Variants in VAV1 observed in about 807,000 individuals in gnomAD.
The protein encoded by VAV1 is vav guanine nucleotide exchange factor 1.
Under a neutral mutation model 128.1 loss-of-function variants are expected in VAV1, and 33 were observed. The observed-to-expected ratio is 0.26, with a 90% CI of 0.20 to 0.34. The LOEUF is 0.34. VAV1 is among the 10% of genes least tolerant of loss of function. The probability of loss-of-function intolerance (pLI) is 1.00; values close to 1 mark genes in which losing one functional copy is unlikely to be tolerated. For synonymous variants in VAV1, 394 were observed against 409.8 expected, an observed-to-expected ratio of 0.96 and a Z score of 0.47; for missense variants, 715 against 1,093.7, an observed-to-expected ratio of 0.65 and a Z score of 4.88.
At chr19:6,855,731 C>G (rs1478775338) in intron 26 of VAV1, among the ~76,000 whole-genome samples, 1 of 152,086 alleles carries the variant, frequency 6.6e-6, no homozygotes, top group African/African-American at 2.4e-5. Flanking sequence ...ATTCATCCAT[C>G]CATCCATCCG....
intron 1 of VAV1, among the ~76,000 whole-genome samples, chr19:6,813,241 G>T (rs778985784): frequency 4.6e-5 from 7 of 152,218 alleles, no homozygotes; most frequent in Non-Finnish European, 8.8e-5. Context: ...TTCCTGAGTG[G>T]CTGGGCCACA....
chr19:6,836,613 A>C (rs1972228159), intron 20 of VAV1, 45 bp downstream of exon 20: 1 of 1,607,982 alleles, frequency 6.2e-7, no homozygotes, highest in Admixed American at 1.7e-5. Flanking sequence ...ACCCAAGTGT[A>C]GGGTTATGGA....
At position 6,817,847 on chromosome 19, in the gene VAV1, T is replaced by C. The variant is rs575721942; in HGVS notation, c.205-2855T>C. On this transcript the variant is annotated intron_variant, in intron 1 of 26. Coordinates refer to ENST00000602142, the MANE Select transcript of VAV1 (RefSeq NM_005428.4). The stretch of plus-strand genomic sequence containing the variant: ...GACTACAGGCACCCGCCACCTTGCC[T>C]GGCTAATTTTTTGTGTTTTTAGTAG... Among the ~76,000 whole-genome samples the C allele has an allele frequency of 2.3e-3, 345 of 152,112 alleles. 2 individuals carry two copies. Among genetic ancestry groups the C allele is most frequent in the Middle Eastern group, 6.8e-3 (2 of 292 alleles).
chr19:6,816,171 C>T (rs1429612643), intron 1 of VAV1, among the ~76,000 whole-genome samples: 1 of 151,972 alleles, frequency 6.6e-6, no homozygotes, highest in Non-Finnish European at 1.5e-5. Flanking sequence ...AGGCGCACAC[C>T]ACCACGCCCA....
rs973492510 is a variant in VAV1, at chr19:6,853,069, C to G, written c.2322C>G (p.Ser774Arg). The G allele has an allele frequency of 1.2e-6, 2 of 1,610,620 alleles. No homozygotes were observed. Among genetic ancestry groups the G allele is most frequent in the Non-Finnish European group, 1.7e-6 (2 of 1,177,892 alleles). ...PFKEPEKRTISRPAVGSTKYF... is the reference protein window; with the variant it reads ...PFKEPEKRTIRRPAVGSTKYF... ...AGGAGCCTGAAAAGAGAACCATCAG[C>G]AGGCCAGCAGGTAGGAGGTCTCAGA... Residue 774 changes from serine (S) to arginine (R), a missense_variant, in exon 25 of 27, where the codon AGC becomes AGG. Coordinates refer to ENST00000602142, the MANE Select transcript of VAV1 (RefSeq NM_005428.4).
At chr19:6,853,916 C>A (rs764583035) in intron 25 of VAV1, 31 bp from the exon 26 acceptor site, 9 of 1,600,486 alleles carry the variant, frequency 5.6e-6, no homozygotes, top group Admixed American at 3.3e-5. Context: ...CTGCCCCAGA[C>A]CCTTTTCTCA....
chr19:6,784,111 C>G (rs1335622042), intron 1 of VAV1: 1 of 428,440 alleles, frequency 2.3e-6, no homozygotes, highest in East Asian at 3.4e-5. Flanking sequence ...AAAATAAGCC[C>G]GGCATGGTGG....
intron 1 of VAV1, among the ~76,000 whole-genome samples, chr19:6,817,893 A>G (rs375285889): frequency 3.9e-4 from 59 of 152,194 alleles, no homozygotes; most frequent in Non-Finnish European, 7.4e-4. Flanking sequence ...TCACCGTGTT[A>G]GCCAGGATGG....
rs202111007 is a variant in VAV1, at chr19:6,828,494, G to C, written c.1092+7G>C. ...GGCCCTGGATGCCATGAGGGTGAGT[G>C]GGTGTAGGGTGCTGGTGACTCACCT... On this transcript the variant is annotated splice_region_variant and intron_variant, in intron 11 of 26. Transcript: ENST00000602142. The surrounding 1 kb of genome is among the most constrained non-coding windows in gnomAD (Gnocchi z 4.5). The C allele has an allele frequency of 2.0e-4, 326 of 1,614,180 alleles. No individual in the cohort carries two copies. Among genetic ancestry groups the C allele is most frequent in the Admixed American group, 1.3e-4 (8 of 60,022 alleles).
chr19:6,773,213 G>T (rs1207649650), intron 1 of VAV1, among the ~76,000 whole-genome samples: 1 of 152,176 alleles, frequency 6.6e-6, no homozygotes, highest in Non-Finnish European at 1.5e-5. Context: ...CTCCCTGTGT[G>T]GGTTCACGGG....
rs771873669 is a variant in VAV1, at chr19:6,772,801, G to A, written c.-7G>A. On this transcript the variant is annotated 5_prime_UTR_variant, in exon 1 of 27. Coordinates refer to ENST00000602142, the MANE Select transcript of VAV1 (RefSeq NM_005428.4). The surrounding 1 kb of genome is among the most constrained non-coding windows in gnomAD (Gnocchi z 4.8). Reference sequence around the variant, plus strand: ...GGTGCACGGCCGGCCCTGGGCAGGCGGTAGCCATGGAGCTGTGGCGCCAAT... The same window carrying A: ...GGTGCACGGCCGGCCCTGGGCAGGCAGTAGCCATGGAGCTGTGGCGCCAAT... 25 of 1,611,960 alleles carry A rather than the reference G, an allele frequency of 1.6e-5. No homozygotes were observed. The highest frequency in any genetic ancestry group is 3.3e-5 in the Admixed American group (2 of 59,888).
At position 6,774,427 on chromosome 19, in the gene VAV1, CTTTTTTTTTTTTTT is replaced by C. The variant is rs1002823385; in HGVS notation, c.204+1428_204+1441del. On this transcript the variant is annotated intron_variant, in intron 1 of 26. Coordinates refer to ENST00000602142, the MANE Select transcript of VAV1 (RefSeq NM_005428.4). ...ACAGGTGTGAGCCACCGCGCCCAGCCTTTTTTTTTTTTTTTTTTTTTTTTTAAAGACAGGGTCTC... is the reference window on the plus strand; with the variant it reads ...ACAGGTGTGAGCCACCGCGCCCAGCCTTTTTTTTTTTAAAGACAGGGTCTC... Among the ~76,000 whole-genome samples the C allele has an allele frequency of 2.6e-4, 24 of 91,584 alleles. 1 individual carries two copies. The Admixed American group carries it at 2.8e-3, about 11-fold the overall frequency. The allele number at this position is 91,584 out of a possible 152,430, so 60.1% of individuals were successfully genotyped here.
rs1286821314 is a variant in VAV1, at chr19:6,857,332, G to T, written c.*225G>T. On this transcript the variant is annotated 3_prime_UTR_variant, in exon 27 of 27. Coordinates refer to ENST00000602142, the MANE Select transcript of VAV1 (RefSeq NM_005428.4). ...CCCTCAAGCAGACGGGGCTCAAGGG[G>T]GTTACATTTAATAAAAGGATGAAGA... is the stretch of plus-strand genomic sequence containing the variant. 2 of 564,986 alleles carry T rather than the reference G, an allele frequency of 3.5e-6. No individual in the cohort carries two copies. Among genetic ancestry groups the T allele is most frequent in the Middle Eastern group, 4.8e-4 (1 of 2,104 alleles). The allele number at this position is 564,986 out of a possible 1,614,324, so 35.0% of individuals were successfully genotyped here.
chr19:6,810,662 G>A (rs1272973526), intron 1 of VAV1, among the ~76,000 whole-genome samples: 6 of 151,968 alleles, frequency 3.9e-5, no homozygotes, highest in Non-Finnish European at 8.8e-5. Context: ...CTGAGATCAC[G>A]TCATTGCACT....
In VAV1 at chr19:6,843,137, C is replaced by A; in HGVS notation, c.1983C>A (p.Gly661=). 3 of 1,614,120 alleles carry A rather than the reference C, an allele frequency of 1.9e-6. No homozygotes were observed. The highest frequency in any genetic ancestry group is 2.5e-6 in the Non-Finnish European group (3 of 1,180,012). The change falls in exon 22 of 27, where the codon GGC becomes GGA. Residue 661 remains glycine (G), a splice_region_variant and synonymous_variant. Transcript: ENST00000602142. ...PCNRVKPYVH[G]PPQDLSVHLW... is the part of the protein sequence containing the mutation. The stretch of plus-strand genomic sequence containing the variant: ...GGGGTCTCTCTCTGTATTCTTAGGG[C>A]CCTCCTCAGGACCTGTCTGTTCATC...
At chr19:6,855,841 CTATCCATT>C (rs1300527897) in intron 26 of VAV1, among the ~76,000 whole-genome samples, 16 of 134,440 alleles carry the variant, frequency 1.2e-4, no homozygotes, top group African/African-American at 4.5e-4. Flanking sequence ...ATCTATCTAT[CTATCCATT>C]CATTATCTAT....
chr19:6,788,736 C>T (rs1040863797), intron 1 of VAV1, among the ~76,000 whole-genome samples: 10 of 152,032 alleles, frequency 6.6e-5, no homozygotes, highest in South Asian at 2.1e-4. Context: ...ATTTCTGAAC[C>T]GGCTGCTGTG....
chr19:6,814,420 C>T (rs1046316250), intron 1 of VAV1, among the ~76,000 whole-genome samples: 2 of 152,028 alleles, frequency 1.3e-5, no homozygotes, highest in African/African-American at 4.8e-5. Flanking sequence ...GTTAGTTTTG[C>T]TTACTGTAGG....
rs781617190 is a variant in VAV1, at chr19:6,828,909, A to C, written c.1265+9A>C. On this transcript the variant is annotated intron_variant, in intron 13 of 26. Coordinates refer to ENST00000602142, the MANE Select transcript of VAV1 (RefSeq NM_005428.4). The surrounding 1 kb of genome is among the most constrained non-coding windows in gnomAD (Gnocchi z 4.5). Reference sequence around the variant, plus strand: ...CGCTCCAAGATGGACAGGTGGGTGGAGTCAACATGGATCTGGGATGGAGCC... The same window carrying C: ...CGCTCCAAGATGGACAGGTGGGTGGCGTCAACATGGATCTGGGATGGAGCC... 1.9e-6 allele frequency: 3 copies of C among 1,613,694 alleles called. No individual in the cohort carries two copies.
Sources: gnomAD v4.1 joint callset for allele counts (sites outside exome capture counted in the v4.1 genomes callset) on GRCh38, gnomAD v4.1.1 for gene constraint, Gnocchi (gnomAD v3.1) non-coding constraint, MANE v1.5 for transcripts, NCBI Gene and HGNC (gene_info 2026-07-23, HGNC 2026-07-21) for gene names.